Variants in EXOC6B observed in about 807,000 individuals in gnomAD.
EXOC6B encodes the protein SEC15 homolog B.
EXOC6B carries 54 observed loss-of-function variants against 113.5 expected under a neutral mutation model. The observed-to-expected ratio is 0.48, with a 90% CI of 0.38 to 0.60. The LOEUF is 0.60. Ranked by LOEUF, EXOC6B falls within the 20% of genes least tolerant of loss-of-function variation. The probability of loss-of-function intolerance (pLI) is 0.00; values close to 1 mark genes in which losing one functional copy is unlikely to be tolerated. For missense variants in EXOC6B, 797 were observed against 977.5 expected, an observed-to-expected ratio of 0.82 and a Z score of 2.46; for synonymous variants, 357 against 339.0, an observed-to-expected ratio of 1.05 and a Z score of -0.58.
At chr2:72,545,075 C>A (rs1702818542) in intron 8 of EXOC6B, among the ~76,000 whole-genome samples, 1 of 152,016 alleles carries the variant, frequency 6.6e-6, no homozygotes, top group African/African-American at 2.4e-5. Context: ...ACTACAGTTA[C>A]ATAAAATTAA....
chr2:72,299,934 C>T (rs1267269005), intron 20 of EXOC6B, among the ~76,000 whole-genome samples: 5 of 152,070 alleles, frequency 3.3e-5, no homozygotes, highest in African/African-American at 1.2e-4. Context: ...AGCTCTAGAG[C>T]GCTCCTGTAT....
At chr2:72,548,277 T>C (rs956651863) in intron 8 of EXOC6B, among the ~76,000 whole-genome samples, 4 of 152,136 alleles carry the variant, frequency 2.6e-5, no homozygotes, top group African/African-American at 9.7e-5. Flanking sequence ...TGACCTCCTG[T>C]TACAATACAT....
chr2:72,607,831 T>C (rs764303002), intron 6 of EXOC6B, among the ~76,000 whole-genome samples: 3 of 152,132 alleles, frequency 2.0e-5, no homozygotes, highest in Non-Finnish European at 4.4e-5. Flanking sequence ...AGAGGCGTAG[T>C]ACTGAAATTT....
At chr2:72,275,096 C>G (rs1684732806) in intron 20 of EXOC6B, among the ~76,000 whole-genome samples, 1 of 152,028 alleles carries the variant, frequency 6.6e-6, no homozygotes, top group South Asian at 2.1e-4. Flanking sequence ...AACCTAGTAC[C>G]CACTTGATAA....
chr2:72,719,663 A>G (rs765135628), intron 5 of EXOC6B, among the ~76,000 whole-genome samples: 5 of 152,240 alleles, frequency 3.3e-5, no homozygotes, highest in Admixed American at 2.0e-4. Context: ...TTGTTTGAGC[A>G]TAACCTCTAA....
rs376088377 is a variant in EXOC6B at position 72,631,426 on chromosome 2, GTATATATATATATA to G, written c.670-55772_670-55759del. On this transcript the variant is annotated intron_variant, in intron 6 of 21. Coordinates refer to ENST00000272427, the MANE Select transcript of EXOC6B (RefSeq NM_015189.3). Reference sequence around the variant, plus strand: ...TGTATATGTGTGTGTGTGTGTGTGTGTATATATATATATATATATATATATATATATATATAGAG... The same window carrying G: ...TGTATATGTGTGTGTGTGTGTGTGTGTATATATATATATATATATATAGAG... 8.9e-3 allele frequency among the ~76,000 whole-genome samples: 250 copies of G among 28,146 alleles called. 5 individuals carry two copies. The highest frequency in any genetic ancestry group is 0.023 in the Middle Eastern group (1 of 44). The allele number at this position is 28,146 out of a possible 152,430, so 18.5% of individuals were successfully genotyped here.
At chr2:72,323,173 G>A (rs1280858420) in intron 20 of EXOC6B, among the ~76,000 whole-genome samples, 3 of 152,110 alleles carry the variant, frequency 2.0e-5, no homozygotes, top group African/African-American at 4.8e-5. Flanking sequence ...AGTGGGCAAA[G>A]GATATGAAAA....
At chr2:72,421,082 T>A (rs933333527) in intron 18 of EXOC6B, among the ~76,000 whole-genome samples, 2 of 152,170 alleles carry the variant, frequency 1.3e-5, no homozygotes, top group African/African-American at 4.8e-5. Flanking sequence ...TTTGATGCAG[T>A]TGTTTATTTT....
At chr2:72,513,703 T>C (rs531949839) in intron 10 of EXOC6B, among the ~76,000 whole-genome samples, 99 of 152,006 alleles carry the variant, frequency 6.5e-4, no homozygotes, top group African/African-American at 2.3e-3. Flanking sequence ...GCACAAAATA[T>C]CAAAATAATT....
In EXOC6B at chr2:72,675,341, C is replaced by T. The variant is rs191315324; in HGVS notation, c.669+42762G>A. On this transcript the variant is annotated intron_variant, in intron 6 of 21. Coordinates refer to ENST00000272427, the MANE Select transcript of EXOC6B (RefSeq NM_015189.3). ...GTCTGATAGCATTAAACAGAATCTT[C>T]TGAACAACCTACCTAAAAGCTGAGA... Among the ~76,000 whole-genome samples the T allele has an allele frequency of 5.3e-4, 80 of 152,340 alleles. 1 individual carries two copies. The highest frequency in any genetic ancestry group is 1.4e-3 in the Admixed American group (22 of 15,302).
At chr2:72,798,362 TG>T (rs1410179317) in intron 1 of EXOC6B, among the ~76,000 whole-genome samples, 1 of 150,858 alleles carries the variant, frequency 6.6e-6, no homozygotes, top group African/African-American at 2.4e-5. Context: ...AAATTCTAAT[TG>T]AAAAAAAAAA....
chr2:72,638,689 A>G (rs1439589112), intron 6 of EXOC6B, among the ~76,000 whole-genome samples: 1 of 152,156 alleles, frequency 6.6e-6, no homozygotes, highest in Non-Finnish European at 1.5e-5. Context: ...CAGACACTCG[A>G]GTTGGCAGCG....
At chr2:72,727,895 T>C (rs1680401645) in intron 5 of EXOC6B, among the ~76,000 whole-genome samples, 1 of 151,958 alleles carries the variant, frequency 6.6e-6, no homozygotes, top group South Asian at 2.1e-4. Flanking sequence ...AGTATATAAT[T>C]CCTATAAATG....
rs1331314125 is a variant in EXOC6B, at chr2:72,825,356, G to A, written c.113+442C>T. Among the ~76,000 whole-genome samples, 7 of 152,300 alleles carry A rather than the reference G, an allele frequency of 4.6e-5. No individual in the cohort carries two copies. The South Asian group carries it at 1.2e-3, about 27-fold the overall frequency. On this transcript the variant is annotated intron_variant, in intron 1 of 21. Transcript: ENST00000272427. The surrounding 1 kb of genome is among the most constrained non-coding windows in gnomAD (Gnocchi z 4.4). ...TTCTGAGAAGTGGCTGTGATTCTGAGGCAAGACTTTGATTTCGAGCACTAG... is the reference window on the plus strand; with the variant it reads ...TTCTGAGAAGTGGCTGTGATTCTGAAGCAAGACTTTGATTTCGAGCACTAG...
At chr2:72,430,256 T>A (rs750399378) in intron 18 of EXOC6B, among the ~76,000 whole-genome samples, 2 of 152,198 alleles carry the variant, frequency 1.3e-5, no homozygotes, top group Non-Finnish European at 2.9e-5. Flanking sequence ...AAATACTATA[T>A]GTGGATGGAA....
At chr2:72,788,356 A>G (rs1684489139) in intron 1 of EXOC6B, among the ~76,000 whole-genome samples, 1 of 152,222 alleles carries the variant, frequency 6.6e-6, no homozygotes, top group Admixed American at 6.5e-5. Context: ...CCTCTGCATG[A>G]GCCTAGCAAA....
At chr2:72,520,330 A>G (rs1283308529) in intron 8 of EXOC6B, among the ~76,000 whole-genome samples, 6 of 152,264 alleles carry the variant, frequency 3.9e-5, no homozygotes, top group African/African-American at 1.2e-4. Flanking sequence ...ACTTGTAAGT[A>G]TTCCTATTCA....
intron 20 of EXOC6B, among the ~76,000 whole-genome samples, chr2:72,216,922 G>T (rs1463050949): frequency 6.6e-6 from 1 of 151,744 alleles, no homozygotes; most frequent in Admixed American, 6.6e-5. Flanking sequence ...GCAAGGGGAG[G>T]GAGAGATACT....
At chr2:72,448,619 A>G (rs1696727257) in intron 18 of EXOC6B, among the ~76,000 whole-genome samples, 1 of 152,220 alleles carries the variant, frequency 6.6e-6, no homozygotes, top group African/African-American at 2.4e-5. Context: ...ATAACAAGTT[A>G]TATGTTATTT....
Sources: gnomAD v4.1 joint callset for allele counts (sites outside exome capture counted in the v4.1 genomes callset) on GRCh38, gnomAD v4.1.1 for gene constraint, Gnocchi (gnomAD v3.1) non-coding constraint, MANE v1.5 for transcripts, NCBI Gene and HGNC (gene_info 2026-07-23, HGNC 2026-07-21) for gene names.